HDAC4: variants seen among roughly 807,000 people sequenced by gnomAD.
HDAC4 encodes histone deacetylase 4.
Under a neutral mutation model 135.1 loss-of-function variants are expected in HDAC4, and 16 were observed. The observed-to-expected ratio is 0.12, with a 90% CI of 0.08 to 0.18. HDAC4 has a LOEUF of 0.18. Ranked by LOEUF, HDAC4 falls within the 10% of genes least tolerant of loss-of-function variation. HDAC4 has a pLI of 1.00. For synonymous variants in HDAC4, 685 were observed against 653.4 expected (o/e 1.05, Z -0.74); for missense variants, 1,143 against 1,511.8 (o/e 0.76, Z 4.05).
At chr2:239,177,086 C>T (rs1290645228) in intron 4 of HDAC4, among the ~76,000 whole-genome samples, 2 of 152,178 alleles carry the variant, frequency 1.3e-5, no homozygotes, top group Non-Finnish European at 2.9e-5. Flanking sequence ...CATGTTCCCT[C>T]GAAGGTGGAC....
chr2:239,136,584 A>G (rs1575152629), intron 9 of HDAC4, among the ~76,000 whole-genome samples: 2 of 152,256 alleles, frequency 1.3e-5, no homozygotes, highest in Non-Finnish European at 2.9e-5. Context: ...AAGGAAGAGA[A>G]TCACCAGAGT....
intron 2 of HDAC4, among the ~76,000 whole-genome samples, chr2:239,279,561 G>A (rs539680018): frequency 9.8e-5 from 15 of 152,350 alleles, no homozygotes; most frequent in African/African-American, 2.9e-4. Context: ...GGACACTGTC[G>A]GGGTGAGGAG....
Position 239,115,368 on chromosome 2 carries a change from A to C in HDAC4, c.1534-58T>G, listed in dbSNP as rs190013042. The C allele has an allele frequency of 1.1e-4, 170 of 1,603,942 alleles. 1 individual carries two copies. The Admixed American group carries it at 1.3e-3, about 12-fold the overall frequency. ...GAGCTGGGTCCTCTGAGCTCATCTG[A>C]CAGGAGAAGGGATGCTGCAAACCCC... On this transcript the variant is annotated intron_variant, in intron 12 of 26. Transcript: ENST00000543185. The surrounding 1 kb of genome is among the most constrained non-coding windows in gnomAD (Gnocchi z 6.3).
intron 2 of HDAC4, among the ~76,000 whole-genome samples, chr2:239,296,822 A>C (rs1393263292): frequency 6.6e-6 from 1 of 152,018 alleles, no homozygotes; most frequent in East Asian, 1.9e-4. Context: ...TATATTTAGA[A>C]AGCGTGGATT....
At chr2:239,073,214 T>A (rs2034375034) in intron 22 of HDAC4, among the ~76,000 whole-genome samples, 1 of 152,222 alleles carries the variant, frequency 6.6e-6, no homozygotes, top group Non-Finnish European at 1.5e-5. Flanking sequence ...AGCAGTCTGC[T>A]TCTGTTCTTT....
intron 16 of HDAC4, among the ~76,000 whole-genome samples, chr2:239,096,628 C>T (rs1178784459): frequency 1.3e-5 from 1 of 79,148 alleles, no homozygotes; most frequent in African/African-American, 5.1e-5. Context: ...GATGCCAGCA[C>T]CTCCCATGGA....
intron 2 of HDAC4, among the ~76,000 whole-genome samples, chr2:239,287,316 A>G (rs1189935011): frequency 6.6e-6 from 1 of 152,142 alleles, no homozygotes; most frequent in African/African-American, 2.4e-5. Context: ...TGACCTTGAC[A>G]GTTTAAAGTA....
At chr2:239,151,367 G>A (rs1433380229) in intron 7 of HDAC4, among the ~76,000 whole-genome samples, 1 of 152,210 alleles carries the variant, frequency 6.6e-6, no homozygotes, top group Non-Finnish European at 1.5e-5. Flanking sequence ...GCGCCAGCCT[G>A]GCCACAGGCC....
intron 1 of HDAC4, among the ~76,000 whole-genome samples, chr2:239,378,547 C>G (rs1425450509): frequency 1.3e-5 from 2 of 152,182 alleles, no homozygotes; most frequent in African/African-American, 4.8e-5. Flanking sequence ...TCACCTCCCA[C>G]TCTCCTCTGC....
In HDAC4 at chr2:239,331,211, T is replaced by G. The variant is rs1246243399; in HGVS notation, c.22+21467A>C. ...ATTGATGGCACGAAACTCAACGTCC[T>G]GCACATGATTCCTAAAGCTAAATCT... On this transcript the variant is annotated intron_variant, in intron 2 of 26. Coordinates refer to ENST00000543185, the MANE Select transcript of HDAC4 (RefSeq NM_001378414.1). The surrounding 1 kb of genome is among the most constrained non-coding windows in gnomAD (Gnocchi z 4.5). Among the ~76,000 whole-genome samples, 1 of 152,120 alleles carries G rather than the reference T, an allele frequency of 6.6e-6. No individual in the cohort carries two copies.
intron 2 of HDAC4, among the ~76,000 whole-genome samples, chr2:239,323,955 T>A (rs904352659): frequency 6.6e-6 from 1 of 152,190 alleles, no homozygotes; most frequent in Non-Finnish European, 1.5e-5. Context: ...AAATATATCC[T>A]CTATTGCTTC....
At chr2:239,125,146 C>T (rs1200418235) in intron 12 of HDAC4, among the ~76,000 whole-genome samples, 1 of 152,238 alleles carries the variant, frequency 6.6e-6, no homozygotes, top group Non-Finnish European at 1.5e-5. Context: ...CCCACATCTC[C>T]TGCTGAAGCC....
At chr2:239,220,893 C>T (rs753321830) in intron 3 of HDAC4, among the ~76,000 whole-genome samples, 18 of 152,156 alleles carry the variant, frequency 1.2e-4, no homozygotes, top group East Asian at 9.6e-4. Context: ...GGTACCCTTC[C>T]GCCAGGTTTC....
chr2:239,397,733 T>C (rs1255959540), intron 1 of HDAC4, among the ~76,000 whole-genome samples: 1 of 152,212 alleles, frequency 6.6e-6, no homozygotes, highest in East Asian at 1.9e-4. Context: ...TGAAGAGAAC[T>C]TACTGACCTT....
In HDAC4 at chr2:239,048,464, G is replaced by A. The variant is rs953655547; in HGVS notation, c.*4633C>T. On this transcript the variant is annotated 3_prime_UTR_variant, in exon 27 of 27. Coordinates refer to ENST00000543185, the MANE Select transcript of HDAC4 (RefSeq NM_001378414.1). ...GGCCAGTGCGCAGCTCACGGCGGGC[G>A]CGAACAGGCATCAGGTAGGTTACAG... The A allele has an allele frequency of 8.5e-5, 13 of 152,192 alleles. No homozygotes were observed. The highest frequency in any genetic ancestry group is 2.2e-4 in the African/African-American group (9 of 41,432). The allele number at this position is 152,192 out of a possible 1,614,324, so 9.4% of individuals were successfully genotyped here. A position where few individuals can be genotyped will look rare whatever the true frequency, so the allele number is the denominator to read the frequency against.
intron 9 of HDAC4, among the ~76,000 whole-genome samples, chr2:239,135,882 C>A (rs1247610120): frequency 6.6e-6 from 1 of 152,174 alleles, no homozygotes; most frequent in Admixed American, 6.5e-5. Flanking sequence ...GGTTATAGAT[C>A]ATGTACCTTT....
intron 2 of HDAC4, among the ~76,000 whole-genome samples, chr2:239,287,638 G>C (rs1236757644): frequency 1.3e-5 from 2 of 152,200 alleles, no homozygotes; most frequent in African/African-American, 2.4e-5. Flanking sequence ...GGTGCAGCCA[G>C]CCACAGAAAG....
intron 2 of HDAC4, among the ~76,000 whole-genome samples, chr2:239,343,363 C>A (rs1025626778): frequency 2.0e-5 from 3 of 152,220 alleles, no homozygotes; most frequent in African/African-American, 7.2e-5. Context: ...CCTTCAGTCC[C>A]AACATTCTAA....
At chr2:239,107,379 C>T (rs935092995) in intron 15 of HDAC4, among the ~76,000 whole-genome samples, 3 of 152,256 alleles carry the variant, frequency 2.0e-5, no homozygotes, top group Non-Finnish European at 4.4e-5. Context: ...CTGCCATCGC[C>T]TGGCGGCCAG....
Sources: gnomAD v4.1 joint callset for allele counts (sites outside exome capture counted in the v4.1 genomes callset) on GRCh38, gnomAD v4.1.1 for gene constraint, Gnocchi (gnomAD v3.1) non-coding constraint, MANE v1.5 for transcripts, NCBI Gene and HGNC (gene_info 2026-07-23, HGNC 2026-07-21) for gene names.